KCNN2: variants seen among roughly 807,000 people sequenced by gnomAD.
The protein encoded by KCNN2 is small conductance calcium-activated potassium channel protein 2.
In KCNN2, 24 loss-of-function variants were observed where a neutral mutation model predicts 55.5. That is an observed-to-expected ratio of 0.43 (90% confidence interval 0.31 to 0.61). The LOEUF (loss-of-function observed/expected upper bound fraction) is 0.61. Ranked by LOEUF, KCNN2 falls within the 20% of genes least tolerant of loss-of-function variation. The pLI, the probability that KCNN2 is intolerant of heterozygous loss-of-function variation, is 0.08. For missense variants in KCNN2, 754 were observed against 853.6 expected (o/e 0.88, Z 1.45); for synonymous variants, 431 against 336.1 (o/e 1.28, Z -3.09).
chr5:114,070,740 T>C (rs1223096092), intron 1 of KCNN2, among the ~76,000 whole-genome samples: 2 of 152,238 alleles, frequency 1.3e-5, no homozygotes, highest in Non-Finnish European at 2.9e-5. Context: ...GGGAGTGTGG[T>C]ACTACACATA....
intron 2 of KCNN2, among the ~76,000 whole-genome samples, chr5:114,355,063 AG>A (rs1757273244): frequency 1.3e-5 from 2 of 152,172 alleles, no homozygotes; most frequent in South Asian, 4.1e-4. Flanking sequence ...AATTTAACTT[AG>A]CAAATTGTGG....
intron 1 of KCNN2, among the ~76,000 whole-genome samples, chr5:114,084,856 T>C (rs180763264): frequency 4.5e-4 from 69 of 152,142 alleles, no homozygotes; most frequent in Admixed American, 1.2e-3. Flanking sequence ...GTACAAAACC[T>C]GTGTCTAGAT....
chr5:114,368,259 A>G (rs1470559027), intron 2 of KCNN2, among the ~76,000 whole-genome samples: 1 of 152,202 alleles, frequency 6.6e-6, no homozygotes, highest in Non-Finnish European at 1.5e-5. Flanking sequence ...CCAAGGGACA[A>G]CTGTAATTAT....
intron 1 of KCNN2, 148 bp downstream of exon 1, chr5:114,363,409 G>C (rs1194024905): frequency 1.9e-6 from 2 of 1,025,736 alleles, no homozygotes; most frequent in Non-Finnish European, 2.7e-6. Context: ...TCTAGGACGC[G>C]CATCCGTAGT....
intron 2 of KCNN2, among the ~76,000 whole-genome samples, chr5:114,241,792 ATG>A (rs1491228527): frequency 0.026 from 542 of 20,822 alleles, 78 homozygotes; most frequent in African/African-American, 0.048. Context: ...ACGTATATAT[ATG>A]TATATATATA....
intron 2 of KCNN2, among the ~76,000 whole-genome samples, chr5:114,384,064 C>A (rs1407297472): frequency 6.6e-6 from 1 of 152,126 alleles, no homozygotes; most frequent in Admixed American, 6.5e-5. Context: ...TCTGTGACTT[C>A]AAAGGTTCTT....
At chr5:114,377,730 G>A (rs184613268) in intron 2 of KCNN2, among the ~76,000 whole-genome samples, 43 of 152,256 alleles carry the variant, frequency 2.8e-4, no homozygotes, top group Non-Finnish European at 5.3e-4. Context: ...CTGTGTGACC[G>A]TAAGAAGACA....
At chr5:114,224,485 TTAA>T (rs1754203339) in intron 2 of KCNN2, among the ~76,000 whole-genome samples, 1 of 152,250 alleles carries the variant, frequency 6.6e-6, no homozygotes, top group African/African-American at 2.4e-5. Flanking sequence ...ATTCTAAATC[TTAA>T]TTATGTAATG....
At chr5:114,222,746 TG>T (rs1305047829) in intron 2 of KCNN2, among the ~76,000 whole-genome samples, 2 of 152,164 alleles carry the variant, frequency 1.3e-5, no homozygotes, top group East Asian at 3.9e-4. Flanking sequence ...GTTAGACTTT[TG>T]GTGAAAGGTG....
intron 1 of KCNN2, among the ~76,000 whole-genome samples, chr5:114,083,793 C>A (rs78170650): frequency 2.1e-3 from 313 of 152,190 alleles, no homozygotes; most frequent in African/African-American, 7.0e-3. Context: ...TACGTTATTA[C>A]AAATGATAGT....
chr5:114,098,106 A>C (rs957268516), intron 1 of KCNN2, among the ~76,000 whole-genome samples: 1 of 151,992 alleles, frequency 6.6e-6, no homozygotes, highest in Non-Finnish European at 1.5e-5. Flanking sequence ...GTAGCTCATC[A>C]TCTTTCTTTC....
At chr5:114,364,786 CA>C (rs1757553403) in intron 2 of KCNN2, among the ~76,000 whole-genome samples, 1 of 152,008 alleles carries the variant, frequency 6.6e-6, no homozygotes, top group South Asian at 2.1e-4. Context: ...ATAGAGTTTT[CA>C]AAAATTAGAT....
intron 2 of KCNN2, among the ~76,000 whole-genome samples, chr5:114,259,310 C>A (rs1355531961): frequency 6.6e-6 from 1 of 152,202 alleles, no homozygotes; most frequent in Non-Finnish European, 1.5e-5. Flanking sequence ...TGGGTCCAGC[C>A]AGCCCTGTAC....
chr5:114,355,139 G>A (rs1757274622), intron 2 of KCNN2, among the ~76,000 whole-genome samples: 1 of 152,150 alleles, frequency 6.6e-6, no homozygotes, highest in South Asian at 2.1e-4. Flanking sequence ...TTAGGGGACT[G>A]GGATTTACAA....
intron 2 of KCNN2, among the ~76,000 whole-genome samples, chr5:114,232,925 G>GTTTTTTTTTTTTTTTTTTTTTTTT (rs10658266): frequency 1.3e-5 from 1 of 76,282 alleles, no homozygotes; most frequent in African/African-American, 4.6e-5. Flanking sequence ...ATTGTTTCTT[G>GTTTTTTTTTTTTTTTTTTTTTTTT]TTTTTTTTTT....
chr5:114,200,617 T>C (rs1753654712), intron 1 of KCNN2, among the ~76,000 whole-genome samples: 1 of 152,184 alleles, frequency 6.6e-6, no homozygotes, highest in African/African-American at 2.4e-5. Flanking sequence ...CTTATGTTGA[T>C]ATTTGTACAT....
intron 1 of KCNN2, among the ~76,000 whole-genome samples, chr5:114,115,219 A>G (rs961046198): frequency 6.6e-6 from 1 of 152,168 alleles, no homozygotes; most frequent in Admixed American, 6.5e-5. Flanking sequence ...AATGTTGACA[A>G]TAATTTGATG....
intron 2 of KCNN2, among the ~76,000 whole-genome samples, chr5:114,223,478 T>G (rs1469699647): frequency 6.6e-6 from 1 of 152,202 alleles, no homozygotes; most frequent in Non-Finnish European, 1.5e-5. Context: ...ATGATCATTT[T>G]CACATTTAAT....
intron 1 of KCNN2, among the ~76,000 whole-genome samples, chr5:114,171,466 C>A (rs192183976): frequency 3.9e-5 from 6 of 151,906 alleles, no homozygotes; most frequent in Non-Finnish European, 1.5e-5. Flanking sequence ...ACTAATTATT[C>A]GATTAATATT....
Sources: gnomAD v4.1 joint callset for allele counts (sites outside exome capture counted in the v4.1 genomes callset) on GRCh38, gnomAD v4.1.1 for gene constraint, MANE v1.5 for transcripts, NCBI Gene and HGNC (gene_info 2026-07-23, HGNC 2026-07-21) for gene names.